Variants in KIAA1549 observed in about 807,000 individuals in gnomAD.
The protein encoded by KIAA1549 is UPF0606 protein KIAA1549.
In KIAA1549, 70 loss-of-function variants were observed where a neutral mutation model predicts 156.4. The observed-to-expected ratio is 0.45, with a 90% confidence interval of 0.37 to 0.55. The LOEUF is 0.55. KIAA1549 is among the 20% of genes least tolerant of loss of function. The probability of loss-of-function intolerance (pLI) is 0.00; values close to 1 mark genes in which losing one functional copy is unlikely to be tolerated. For synonymous variants in KIAA1549, 1,103 were observed against 1,066.4 expected (o/e 1.03, Z -0.67); for missense variants, 2,428 against 2,540.9 (o/e 0.96, Z 0.96).
In KIAA1549 at chr7:138,917,144, AAG is replaced by A; in HGVS notation, c.2480_2481del (p.Ser827PhefsTer14). Reference sequence around the variant, plus strand: ...GTACCAGTGGGAATGGCTTTGGAGAAAGAGGCCAGGACAGACACGTGACCGTC... The same window carrying A: ...GTACCAGTGGGAATGGCTTTGGAGAAAGGCCAGGACAGACACGTGACCGTC... The part of the protein sequence containing the change: ...ALDGHVSVLA[S>X]FSKAIPTGTV... On this transcript the variant is annotated frameshift_variant, in exon 2 of 20. Coordinates refer to ENST00000422774, the MANE Select transcript of KIAA1549 (RefSeq NM_001164665.2). LOFTEE classifies it high-confidence loss of function. The A allele has an allele frequency of 6.2e-7, 1 of 1,613,620 alleles. No homozygotes were observed. Among genetic ancestry groups the A allele is most frequent in the Non-Finnish European group, 8.5e-7 (1 of 1,179,734 alleles).
chr7:138,925,992 A>G (rs1204930717), intron 1 of KIAA1549, among the ~76,000 whole-genome samples: 2 of 152,204 alleles, frequency 1.3e-5, no homozygotes, highest in Non-Finnish European at 2.9e-5. Context: ...AACTGCAGGC[A>G]CAGACGCTGG....
At chr7:138,838,229 C>CTT (rs1809805246) in intron 19 of KIAA1549, 69 bp from the exon 20 acceptor site, 47 of 1,431,998 alleles carry the variant, frequency 3.3e-5, no homozygotes, top group Non-Finnish European at 4.2e-5. Context: ...TGCAAACTGG[C>CTT]TTTAGGAAGG....
Position 138,917,586 on chromosome 7 carries a change from T to C in KIAA1549, c.2040A>G (p.Ser680=), listed in dbSNP as rs968281614. Residue 680 remains serine, a synonymous_variant, in exon 2 of 20, where the codon TCA becomes TCG. Coordinates refer to ENST00000422774, the MANE Select transcript of KIAA1549 (RefSeq NM_001164665.2). Reference sequence around the variant, plus strand: ...TGGAACTGGGAAGAGACAGCTGAGATGACTGCAGATCACTAGAGTCAAACA... The same window carrying C: ...TGGAACTGGGAAGAGACAGCTGAGACGACTGCAGATCACTAGAGTCAAACA... ...FTLFDSSDLQ[S]SQLSLPSSTN... The C allele has an allele frequency of 5.6e-6, 9 of 1,613,784 alleles. No homozygotes were observed. Among genetic ancestry groups the C allele is most frequent in the Admixed American group, 3.3e-5 (2 of 60,006 alleles).
rs764875757 is a variant in KIAA1549, at chr7:138,871,317, G to C, written c.4391C>G (p.Ser1464Cys). 6.3e-7 allele frequency: 1 copy of C among 1,599,448 alleles called. No individual in the cohort carries two copies. Among genetic ancestry groups the C allele is most frequent in the Non-Finnish European group, 8.5e-7 (1 of 1,172,776 alleles). ...GATCCTGTCCACGTGCTCGAAGATG[G>C]AGGCTGATGAGTGCTGCTCATTTCC... ...SSGNEQHSSA[S>C]IFEHVDRISR... Residue 1464 changes from serine to cysteine, a missense_variant, in exon 13 of 20, where the codon TCC becomes TGC. Ser to Cys is a moderately radical substitution (Grantham distance 112, BLOSUM62 -1). Coordinates refer to ENST00000422774, the MANE Select transcript of KIAA1549 (RefSeq NM_001164665.2).
In KIAA1549 at chr7:138,943,473, T is replaced by C. The variant is rs555327746; in HGVS notation, c.188-24035A>G. On this transcript the variant is annotated intron_variant, in intron 1 of 19. Coordinates refer to ENST00000422774, the MANE Select transcript of KIAA1549 (RefSeq NM_001164665.2). Reference sequence around the variant, plus strand: ...CTTATTCTTTTTATAATTGACAAAATAAGCTGTATATGTTTATTGTGTACA... The same window carrying C: ...CTTATTCTTTTTATAATTGACAAAACAAGCTGTATATGTTTATTGTGTACA... 1.1e-4 allele frequency among the ~76,000 whole-genome samples: 17 copies of C among 152,338 alleles called. No homozygotes were observed. The South Asian group carries it at 3.5e-3, about 32-fold the overall frequency.
At chr7:138,961,834 T>A in intron 1 of KIAA1549, among the ~76,000 whole-genome samples, 1 of 133,742 alleles carries the variant, frequency 7.5e-6, no homozygotes, top group Admixed American at 7.8e-5. Context: ...AGATAGAGGC[T>A]CTGTCTCTTA....
At chr7:138,916,683 C>G in intron 2 of KIAA1549, 65 bp downstream of exon 2, 1 of 1,580,552 alleles carries the variant, frequency 6.3e-7, no homozygotes, top group Non-Finnish European at 8.6e-7. Context: ...GCCTCACAGG[C>G]ACTGCACACA....
intron 10 of KIAA1549, among the ~76,000 whole-genome samples, chr7:138,884,056 G>T (rs1239483960): frequency 6.6e-6 from 1 of 152,134 alleles, no homozygotes; most frequent in Non-Finnish European, 1.5e-5. Context: ...AGGGAAGAGG[G>T]GCTGAAGGTT....
At chr7:138,919,483 C>A in intron 1 of KIAA1549, 45 bp from the exon 2 acceptor site, 1 of 1,573,138 alleles carries the variant, frequency 6.4e-7, no homozygotes, top group South Asian at 1.2e-5. Context: ...CATTGGAAGT[C>A]ACACAGCTAA....
At chr7:138,849,309 C>CT (rs568202303) in intron 17 of KIAA1549, among the ~76,000 whole-genome samples, 8 of 152,004 alleles carry the variant, frequency 5.3e-5, no homozygotes, top group Middle Eastern at 3.4e-3. Flanking sequence ...ATTGGATCAT[C>CT]TTTTTTTACA....
chr7:138,976,534 TTACAG>T (rs1187151496), intron 1 of KIAA1549, among the ~76,000 whole-genome samples: 3 of 152,244 alleles, frequency 2.0e-5, no homozygotes, highest in African/African-American at 4.8e-5. Context: ...TCACGTTTTA[TTACAG>T]TAGACTGTTA....
At chr7:138,872,223 A>T (rs1810956776) in intron 12 of KIAA1549, among the ~76,000 whole-genome samples, 2 of 152,192 alleles carry the variant, frequency 1.3e-5, no homozygotes, top group African/African-American at 4.8e-5. Context: ...CTGGGATTAC[A>T]GGCAGGAGCC....
At chr7:138,937,433 C>T (rs914426791) in intron 1 of KIAA1549, among the ~76,000 whole-genome samples, 1 of 152,158 alleles carries the variant, frequency 6.6e-6, no homozygotes, top group Non-Finnish European at 1.5e-5. Flanking sequence ...AAACACCTAC[C>T]GGTCATGTGA....
chr7:138,878,623 G>A (rs750772923), intron 12 of KIAA1549, among the ~76,000 whole-genome samples: 7 of 152,018 alleles, frequency 4.6e-5, no homozygotes, highest in African/African-American at 9.7e-5. Flanking sequence ...TTAGCCAGGT[G>A]TGATGGCAGA....
At chr7:138,886,474 T>A (rs974073463) in intron 10 of KIAA1549, among the ~76,000 whole-genome samples, 2 of 152,052 alleles carry the variant, frequency 1.3e-5, no homozygotes, top group Non-Finnish European at 2.9e-5. Flanking sequence ...GACAGGATCT[T>A]GCTACATTGC....
chr7:138,894,287 T>C, intron 10 of KIAA1549, 55 bp downstream of exon 10: 1 of 1,560,356 alleles, frequency 6.4e-7, no homozygotes, highest in African/African-American at 1.4e-5. Context: ...ACTCATCCTA[T>C]CCCTGCCCCA....
At chr7:138,857,795 C>G (rs1372647946) in intron 16 of KIAA1549, among the ~76,000 whole-genome samples, 1 of 152,154 alleles carries the variant, frequency 6.6e-6, no homozygotes, top group Non-Finnish European at 1.5e-5. Context: ...ATTAACATAG[C>G]CATTCCAGCT....
chr7:138,933,122 T>G (rs570900973), intron 1 of KIAA1549, among the ~76,000 whole-genome samples: 3 of 151,776 alleles, frequency 2.0e-5, no homozygotes, highest in African/African-American at 7.3e-5. Flanking sequence ...GGCTGACTAG[T>G]GAAGGGCAGA....
chr7:138,943,953 G>A (rs890306784), intron 1 of KIAA1549, among the ~76,000 whole-genome samples: 3 of 150,446 alleles, frequency 2.0e-5, no homozygotes, highest in African/African-American at 7.4e-5. Flanking sequence ...TTTTAATAGA[G>A]ACAGGGTCTC....
Sources: allele counts gnomAD v4.1 joint callset (sites outside exome capture counted in the v4.1 genomes callset), GRCh38; gene constraint gnomAD v4.1.1; transcripts MANE v1.5; gene names NCBI Gene and HGNC (gene_info 2026-07-23, HGNC 2026-07-21).